Variants in SLC22A15 observed in about 807,000 individuals in gnomAD.
The protein encoded by SLC22A15 is flipt 1.
Under a neutral mutation model 62.7 loss-of-function variants are expected in SLC22A15, and 45 were observed. The ratio of observed to expected loss-of-function variants is 0.72; its 90% CI spans 0.56 to 0.92. SLC22A15 has a LOEUF of 0.92. SLC22A15 is among the 40% of genes least tolerant of loss of function. The pLI is 0.00. For missense variants in SLC22A15, 622 were observed against 665.6 expected (o/e 0.93, Z 0.72); for synonymous variants, 264 against 267.0 (o/e 0.99, Z 0.11).
chr1:116,066,514 C>A lies in SLC22A15; in HGVS notation c.1366-6C>A. 1 of 1,586,182 alleles carries A rather than the reference C, an allele frequency of 6.3e-7. No individual in the cohort carries two copies. The highest frequency in any genetic ancestry group is 2.3e-5 in the East Asian group (1 of 44,036). On this transcript the variant is annotated splice_region_variant and splice_polypyrimidine_tract_variant and intron_variant, in intron 10 of 11. Transcript: ENST00000369503. ...TTTATTTTCATTCCACTCCCCGCCT[C>A]TGCAGAAATATGTGCAATGGTCTTT...
chr1:116,062,208 T>C (rs2101570601), intron 8 of SLC22A15, among the ~76,000 whole-genome samples: 1 of 152,284 alleles, frequency 6.6e-6, no homozygotes, highest in African/African-American at 2.4e-5. Flanking sequence ...AGACTCTGTC[T>C]CAAAAAACAG....
chr1:115,997,525 C>T (rs1269456738), intron 2 of SLC22A15, among the ~76,000 whole-genome samples: 3 of 151,860 alleles, frequency 2.0e-5, no homozygotes, highest in South Asian at 2.1e-4. Context: ...ACTTCTTTAG[C>T]GAGGTTTATT....
At position 116,068,486 on chromosome 1, in the gene SLC22A15, A is replaced by G. The variant is rs1658547752; in HGVS notation, c.*1378A>G. ...CAAATACTGTCATGTTTTCTTGCAC[A>G]CTGACTTCTGGTTTCCACTGTATCA... On this transcript the variant is annotated 3_prime_UTR_variant, in exon 12 of 12. Coordinates refer to ENST00000369503, the MANE Select transcript of SLC22A15 (RefSeq NM_018420.3). 6.6e-6 allele frequency: 1 copy of G among 152,330 alleles called. No homozygotes were observed. The highest frequency in any genetic ancestry group is 1.5e-5 in the Non-Finnish European group (1 of 68,046). The allele number at this position is 152,330 out of a possible 1,614,324, so 9.4% of individuals were successfully genotyped here.
At chr1:115,980,757 A>G (rs905820453) in intron 1 of SLC22A15, among the ~76,000 whole-genome samples, 2 of 152,164 alleles carry the variant, frequency 1.3e-5, no homozygotes, top group African/African-American at 4.8e-5. Flanking sequence ...AGGGGAGGGT[A>G]CAAAGGAGAT....
chr1:116,037,579 A>G (rs1236230350), intron 8 of SLC22A15, 191 bp downstream of exon 8: 1 of 534,576 alleles, frequency 1.9e-6, no homozygotes, highest in Non-Finnish European at 3.4e-6. Context: ...ATGTGTGTAG[A>G]GGTGCACTAT....
At chr1:115,990,345 C>T (rs1446972696) in intron 1 of SLC22A15, among the ~76,000 whole-genome samples, 1 of 152,184 alleles carries the variant, frequency 6.6e-6, no homozygotes, top group East Asian at 1.9e-4. Context: ...TGTTTCGAGT[C>T]CTCTCCTCCC....
intron 5 of SLC22A15, among the ~76,000 whole-genome samples, chr1:116,028,588 T>C (rs1657223369): frequency 7.1e-6 from 1 of 141,180 alleles, no homozygotes; most frequent in African/African-American, 2.6e-5. Context: ...TAGTGCTAGG[T>C]GGAAACATCT....
At chr1:116,057,928 G>A (rs1474862359) in intron 8 of SLC22A15, among the ~76,000 whole-genome samples, 2 of 151,982 alleles carry the variant, frequency 1.3e-5, no homozygotes, top group Admixed American at 6.6e-5. Flanking sequence ...GAGGGGAGAA[G>A]GATAGCATTA....
At chr1:116,052,392 G>A (rs931860419) in intron 8 of SLC22A15, among the ~76,000 whole-genome samples, 15 of 152,356 alleles carry the variant, frequency 9.8e-5, no homozygotes, top group African/African-American at 3.4e-4. Flanking sequence ...CAAAGCAGCC[G>A]GGAAGCTCGA....
Position 116,037,317 on chromosome 1 carries a change from G to T in SLC22A15, c.1100G>T (p.Arg367Leu), listed in dbSNP as rs779957515. ...LINQKWFGRK[R>L]TLSAFLCLGG... ...CTATTGTTTAGGTTTGGTCGGAAGC[G>T]AACATTATCAGCATTTCTGTGCCTA... The change falls in exon 8 of 12, where the codon CGA (arginine) becomes CTA (leucine). Residue 367 changes from arginine (R) to leucine (L), a missense_variant. Transcript: ENST00000369503. 1 of 1,613,242 alleles carries T rather than the reference G, an allele frequency of 6.2e-7. No individual in the cohort carries two copies. Among genetic ancestry groups the T allele is most frequent in the South Asian group, 1.1e-5 (1 of 91,050 alleles).
rs3748743 is a variant in SLC22A15, at chr1:116,062,802, C to T, written c.1212C>T (p.Ser404=). The part of the protein sequence containing the change: ...VFAVVNSHSL[S]LLGKLTISAA... ...CAGTGGTGAACAGCCATTCCTTGTC[C>T]TTGCTGGGGAAGCTGACCATCAGTG... is the stretch of plus-strand genomic sequence containing the variant. The change falls in exon 9 of 12, where the codon TCC becomes TCT. Residue 404 remains serine, a synonymous_variant. Transcript: ENST00000369503. The T allele has an allele frequency of 0.064, 102,958 of 1,613,728 alleles. 5,126 individuals are homozygous for T. The highest frequency in any genetic ancestry group is 0.24 in the African/African-American group (17,929 of 74,956).
intron 1 of SLC22A15, among the ~76,000 whole-genome samples, chr1:115,980,296 A>G (rs1205502507): frequency 6.6e-6 from 1 of 152,178 alleles, no homozygotes; most frequent in Non-Finnish European, 1.5e-5. Flanking sequence ...ACAATTTGGC[A>G]CCATCTAGTA....
chr1:116,062,809 G>T lies in SLC22A15; in HGVS notation c.1219G>T (p.Gly407Trp). The change falls in exon 9 of 12, where the codon GGG (glycine) becomes TGG (tryptophan). Residue 407 changes from glycine (G) to tryptophan (W), a missense_variant. Transcript: ENST00000369503. Reference protein sequence around the residue: ...VVNSHSLSLLGKLTISAAFNI... With the variant: ...VVNSHSLSLLWKLTISAAFNI... ...GAACAGCCATTCCTTGTCCTTGCTG[G>T]GGAAGCTGACCATCAGTGCTGCCTT... 1 of 1,613,876 alleles carries T rather than the reference G, an allele frequency of 6.2e-7. No individual in the cohort carries two copies. Among genetic ancestry groups the T allele is most frequent in the Non-Finnish European group, 8.5e-7 (1 of 1,179,826 alleles).
At chr1:116,050,979 C>G (rs1215049654) in intron 8 of SLC22A15, among the ~76,000 whole-genome samples, 2 of 151,896 alleles carry the variant, frequency 1.3e-5, no homozygotes, top group Admixed American at 1.3e-4. Context: ...ATGGTAGCTG[C>G]CAAAAAATAA....
At chr1:115,996,625 A>C (rs560194953) in intron 2 of SLC22A15, among the ~76,000 whole-genome samples, 1 of 150,494 alleles carries the variant, frequency 6.6e-6, no homozygotes, top group South Asian at 2.1e-4. Flanking sequence ...CTGTATTTTA[A>C]ATTTCTGTTT....
chr1:116,027,150 A>G (rs1657135146), intron 5 of SLC22A15, 128 bp downstream of exon 5: 2 of 848,382 alleles, frequency 2.4e-6, no homozygotes, highest in Admixed American at 4.2e-5. Flanking sequence ...GAAGAACTAA[A>G]TTCTGCAAGT....
At chr1:116,018,015 G>A (rs1656624391) in intron 2 of SLC22A15, among the ~76,000 whole-genome samples, 2 of 152,150 alleles carry the variant, frequency 1.3e-5, no homozygotes, top group South Asian at 4.1e-4. Flanking sequence ...AAATATACGT[G>A]ATATAAAATT....
chr1:116,031,642 T>C (rs908407597), intron 6 of SLC22A15, 61 bp downstream of exon 6: 49 of 1,597,680 alleles, frequency 3.1e-5, no homozygotes, highest in Non-Finnish European at 3.9e-5. Flanking sequence ...CTTCTCTTGA[T>C]ATCCTGCTCC....
intron 8 of SLC22A15, among the ~76,000 whole-genome samples, chr1:116,041,258 CA>C (rs1309834308): frequency 1.3e-5 from 2 of 152,076 alleles, no homozygotes; most frequent in Non-Finnish European, 2.9e-5. Flanking sequence ...GTCTATGATA[CA>C]AAAGATACTA....
Sources: allele counts gnomAD v4.1 joint callset (sites outside exome capture counted in the v4.1 genomes callset), GRCh38; gene constraint gnomAD v4.1.1; transcripts MANE v1.5; gene names NCBI Gene and HGNC (gene_info 2026-07-23, HGNC 2026-07-21).